The following MAGI1 variants were observed in gnomAD, a reference collection of about 807,000 sequenced individuals.
The protein encoded by MAGI1 is membrane associated guanylate kinase, WW and PDZ domain containing 1.
MAGI1 carries 58 observed loss-of-function variants against 139.9 expected under a neutral mutation model. That is an observed-to-expected ratio of 0.41 (90% CI 0.34 to 0.52). The LOEUF is 0.52. MAGI1 is among the 20% of genes least tolerant of loss of function. The probability of loss-of-function intolerance (pLI) is 0.12; values close to 1 mark genes in which losing one functional copy is unlikely to be tolerated. For missense variants in MAGI1, 1,874 were observed against 1,901.6 expected, an observed-to-expected ratio of 0.99 and a Z score of 0.27; for synonymous variants, 812 against 737.9, an observed-to-expected ratio of 1.10 and a Z score of -1.63.
intron 1 of MAGI1, among the ~76,000 whole-genome samples, chr3:65,906,955 A>C (rs2061460946): frequency 6.6e-6 from 1 of 151,818 alleles, no homozygotes; most frequent in African/African-American, 2.4e-5. Context: ...GAACTTGACA[A>C]TGTACTTCTG....
At chr3:65,991,704 C>T (rs941599027) in intron 1 of MAGI1, among the ~76,000 whole-genome samples, 7 of 152,228 alleles carry the variant, frequency 4.6e-5, no homozygotes, top group East Asian at 1.9e-4. Context: ...CTAAATCACA[C>T]GGTGGTATCA....
chr3:65,469,914 T>TTAAATATATTTAAATATTTA (rs1292568697), intron 5 of MAGI1: 1 of 147,352 alleles, frequency 6.8e-6, no homozygotes, highest in South Asian at 2.1e-4. Context: ...ATATTTATTT[T>TTAAATATATTTAAATATTTA]TAAATATATT....
At chr3:65,604,798 AT>A (rs1219883329) in intron 2 of MAGI1, among the ~76,000 whole-genome samples, 4 of 152,178 alleles carry the variant, frequency 2.6e-5, no homozygotes, top group African/African-American at 9.6e-5. Flanking sequence ...CAAACAGCAA[AT>A]GGGGAATAAA....
chr3:65,661,669 T>A (rs1261473715), intron 1 of MAGI1, among the ~76,000 whole-genome samples: 1 of 152,096 alleles, frequency 6.6e-6, no homozygotes, highest in Non-Finnish European at 1.5e-5. Flanking sequence ...GCATGACACC[T>A]GGCACTAGTG....
intron 1 of MAGI1, among the ~76,000 whole-genome samples, chr3:65,963,584 C>G (rs1401767225): frequency 6.6e-6 from 1 of 152,092 alleles, no homozygotes; most frequent in African/African-American, 2.4e-5. Context: ...CCACTGTACT[C>G]CAGCCTAGGT....
At chr3:65,427,706 G>C (rs1947158059) in intron 12 of MAGI1, among the ~76,000 whole-genome samples, 1 of 152,200 alleles carries the variant, frequency 6.6e-6, no homozygotes, top group Non-Finnish European at 1.5e-5. Context: ...AGGGTGAACA[G>C]CTCAGAACTA....
At chr3:65,861,023 GTTC>G (rs761569667) in intron 1 of MAGI1, among the ~76,000 whole-genome samples, 6 of 152,176 alleles carry the variant, frequency 3.9e-5, no homozygotes, top group Non-Finnish European at 7.3e-5. Flanking sequence ...TTTAAGGAAG[GTTC>G]TTATTTTCAG....
intron 2 of MAGI1, among the ~76,000 whole-genome samples, chr3:65,589,492 G>GT (rs895241075): frequency 6.6e-6 from 1 of 151,984 alleles, no homozygotes; most frequent in African/African-American, 2.4e-5. Context: ...TATTTATTGG[G>GT]TATCTCCCCT....
In MAGI1 at chr3:66,038,162, C is replaced by T. The variant is rs924076204; in HGVS notation, c.147G>A (p.Ala49=). 3 of 1,611,792 alleles carry T rather than the reference C, an allele frequency of 1.9e-6. No individual in the cohort carries two copies. Among genetic ancestry groups the T allele is most frequent in the African/African-American group, 2.7e-5 (2 of 74,886 alleles). Residue 49 remains alanine (A), a synonymous_variant, in exon 1 of 23, where the codon GCG becomes GCA. Coordinates refer to ENST00000402939, the MANE Select transcript of MAGI1 (RefSeq NM_001033057.2). ...GEFPYVGAVA[A]VEAAGLPGGG... The stretch of plus-strand genomic sequence containing the variant: ...CGCCGGGAAGCCCCGCTGCCTCGAC[C>T]GCCGCCACCGCTCCGACGTACGGAA...
intron 1 of MAGI1, among the ~76,000 whole-genome samples, chr3:65,674,438 C>T (rs140183913): frequency 2.4e-4 from 36 of 152,316 alleles, no homozygotes; most frequent in African/African-American, 7.5e-4. Context: ...GCCTGTGAAA[C>T]TCCACATATG....
Position 65,825,774 on chromosome 3 carries a change from C to T in MAGI1, c.314-203686G>A, listed in dbSNP as rs988508574. 6.6e-5 allele frequency among the ~76,000 whole-genome samples: 10 copies of T among 152,186 alleles called. No individual in the cohort carries two copies. In the South Asian group the frequency reaches 8.3e-4, roughly 13 times the overall value. ...GGAGGCCAAGGCAGGCAGATCACGA[C>T]GTCAAGAATTCGGGACCAGCCTGGC... On this transcript the variant is annotated intron_variant, in intron 1 of 22. Coordinates refer to ENST00000402939, the MANE Select transcript of MAGI1 (RefSeq NM_001033057.2).
At chr3:65,931,473 C>A (rs368627199) in intron 1 of MAGI1, among the ~76,000 whole-genome samples, 2 of 152,138 alleles carry the variant, frequency 1.3e-5, no homozygotes, top group Admixed American at 6.5e-5. Context: ...CCAGACCAGC[C>A]AGGGCAACAT....
intron 1 of MAGI1, among the ~76,000 whole-genome samples, chr3:65,766,283 G>C (rs1047143264): frequency 3.3e-5 from 5 of 152,168 alleles, no homozygotes; most frequent in African/African-American, 7.2e-5. Context: ...ATGTTATATA[G>C]AACAAGGGAG....
chr3:65,931,611 C>T (rs2062810901), intron 1 of MAGI1, among the ~76,000 whole-genome samples: 1 of 152,172 alleles, frequency 6.6e-6, no homozygotes, highest in South Asian at 2.1e-4. Flanking sequence ...TTGCAGTGGG[C>T]CGAGATTGTG....
chr3:65,744,801 T>G lies in MAGI1; in HGVS notation c.314-122713A>C, dbSNP rs553683598. 2.6e-5 allele frequency among the ~76,000 whole-genome samples: 4 copies of G among 152,254 alleles called. No homozygotes were observed. In the East Asian group the frequency reaches 7.7e-4, roughly 29 times the overall value. ...TGTTTTCCCTTTTTAAAAATTACAT[T>G]AACATATATAAAACGAAATTTGCCA... On this transcript the variant is annotated intron_variant, in intron 1 of 22. Transcript: ENST00000402939.
chr3:65,408,395 T>A (rs565681091), intron 12 of MAGI1, among the ~76,000 whole-genome samples: 139 of 152,344 alleles, frequency 9.1e-4, no homozygotes, highest in African/African-American at 3.2e-3. Context: ...GCAAAAGTGC[T>A]GCTCCCTGGT....
intron 1 of MAGI1, among the ~76,000 whole-genome samples, chr3:65,880,067 C>G (rs2060264167): frequency 6.6e-6 from 1 of 152,136 alleles, no homozygotes; most frequent in African/African-American, 2.4e-5. Context: ...CATGATGAAA[C>G]CCAGTCTCTA....
At chr3:65,812,524 T>C (rs530978241) in intron 1 of MAGI1, among the ~76,000 whole-genome samples, 3 of 150,526 alleles carry the variant, frequency 2.0e-5, no homozygotes, top group Admixed American at 6.7e-5. Flanking sequence ...TCAGGACTTA[T>C]TTATCCAAGT....
chr3:66,027,673 C>A (rs534334244), intron 1 of MAGI1, among the ~76,000 whole-genome samples: 1 of 152,290 alleles, frequency 6.6e-6, no homozygotes, highest in South Asian at 2.1e-4. Context: ...ATCAGAGGAA[C>A]AATAAATAAT....
Sources: gnomAD v4.1 joint callset for allele counts (sites outside exome capture counted in the v4.1 genomes callset) on GRCh38, gnomAD v4.1.1 for gene constraint, MANE v1.5 for transcripts, NCBI Gene and HGNC (gene_info 2026-07-23, HGNC 2026-07-21) for gene names.